MTHFD1L: variants seen among roughly 807,000 people sequenced by gnomAD.
The protein encoded by MTHFD1L is monofunctional C1-tetrahydrofolate synthase, mitochondrial.
In MTHFD1L, 81 loss-of-function variants were observed where a neutral mutation model predicts 119.5. That is an observed-to-expected ratio of 0.68 (90% confidence interval 0.57 to 0.82). The LOEUF is 0.82. Among genes scored for constraint, MTHFD1L ranks in the 40% least tolerant of loss-of-function variants. The probability of loss-of-function intolerance (pLI) is 0.00; values close to 1 mark genes in which losing one functional copy is unlikely to be tolerated. For synonymous variants in MTHFD1L, 430 were observed against 475.2 expected, an observed-to-expected ratio of 0.90 and a Z score of 1.24; for missense variants, 1,125 against 1,253.4, an observed-to-expected ratio of 0.90 and a Z score of 1.55.
chr6:150,997,438 C>G (rs1417867574), intron 20 of MTHFD1L, among the ~76,000 whole-genome samples: 1 of 152,154 alleles, frequency 6.6e-6, no homozygotes, highest in Non-Finnish European at 1.5e-5. Context: ...GTGCGAGTAA[C>G]AGTGAAGATG....
intron 26 of MTHFD1L, among the ~76,000 whole-genome samples, chr6:151,087,186 C>A (rs1389383282): frequency 6.6e-5 from 10 of 151,892 alleles, no homozygotes; most frequent in Non-Finnish European, 1.5e-4. Flanking sequence ...GAGGCGGAGG[C>A]TGCAGTGAGC....
chr6:151,046,471 G>GTGTATA (rs1171603108), intron 26 of MTHFD1L, among the ~76,000 whole-genome samples: 509 of 36,036 alleles, frequency 0.014, 3 homozygotes, highest in East Asian at 0.052. Flanking sequence ...ATGTGTGTGT[G>GTGTATA]TATATATATA....
At chr6:150,963,707 T>C (rs895646400) in intron 18 of MTHFD1L, among the ~76,000 whole-genome samples, 3 of 152,220 alleles carry the variant, frequency 2.0e-5, no homozygotes, top group African/African-American at 7.2e-5. Flanking sequence ...TGTGGTAAAA[T>C]GGCACTGTTT....
chr6:150,912,612 T>C, intron 8 of MTHFD1L: 3 of 463,812 alleles, frequency 6.5e-6, no homozygotes, highest in Non-Finnish European at 1.3e-5. Context: ...GAAAGGGTGG[T>C]TCTGATTTCT....
rs557804726 is a variant in MTHFD1L at position 151,089,614 on chromosome 6, T to A, written c.2848-2853T>A. On this transcript the variant is annotated intron_variant, in intron 26 of 27. Transcript: ENST00000367321. ...AGACTCTGTCTCAAAAACAAAAACC[T>A]CCTATAAATGCCATAAGATGCCGGC... Among the ~76,000 whole-genome samples the A allele has an allele frequency of 4.2e-4, 64 of 152,214 alleles. 1 individual carries two copies. Among genetic ancestry groups the A allele is most frequent in the Admixed American group, 2.0e-3 (30 of 15,290 alleles).
At chr6:151,002,895 C>A (rs375798051) in intron 20 of MTHFD1L, among the ~76,000 whole-genome samples, 1 of 152,080 alleles carries the variant, frequency 6.6e-6, no homozygotes, top group Non-Finnish European at 1.5e-5. Context: ...TCCTTGTTGG[C>A]GGGGGGAGGG....
At chr6:151,027,507 G>A (rs1477368305) in intron 24 of MTHFD1L, among the ~76,000 whole-genome samples, 1 of 152,118 alleles carries the variant, frequency 6.6e-6, no homozygotes, top group Admixed American at 6.5e-5. Flanking sequence ...GAGAAAGCCA[G>A]CAATGATTAA....
chr6:151,033,223 G>T (rs1024141968), intron 24 of MTHFD1L, among the ~76,000 whole-genome samples: 1 of 151,744 alleles, frequency 6.6e-6, no homozygotes, highest in Non-Finnish European at 1.5e-5. Context: ...AGGGTCAAGC[G>T]ATTCTCCTGC....
chr6:150,956,170 G>A, intron 17 of MTHFD1L, 99 bp downstream of exon 17: 1 of 1,190,976 alleles, frequency 8.4e-7, no homozygotes, highest in South Asian at 1.3e-5. Context: ...TCCCCAACCT[G>A]TTGTGGCCAG....
At chr6:151,012,236 G>A (rs1457289083) in intron 21 of MTHFD1L, among the ~76,000 whole-genome samples, 1 of 151,742 alleles carries the variant, frequency 6.6e-6, no homozygotes, top group East Asian at 1.9e-4. Context: ...TGGTCTATAT[G>A]CAGGGAGTGT....
At chr6:150,928,696 C>G (rs539740962) in intron 11 of MTHFD1L, among the ~76,000 whole-genome samples, 183 of 151,928 alleles carry the variant, frequency 1.2e-3, no homozygotes, top group Non-Finnish European at 2.3e-3. Flanking sequence ...CATGCACCCC[C>G]ACGCCTGGCT....
intron 26 of MTHFD1L, among the ~76,000 whole-genome samples, chr6:151,064,372 G>C (rs975177147): frequency 6.6e-6 from 1 of 152,112 alleles, no homozygotes; most frequent in Non-Finnish European, 1.5e-5. Flanking sequence ...GAGTACAGTG[G>C]TGTGATCTTG....
chr6:151,068,358 G>A (rs1199747900), intron 26 of MTHFD1L, among the ~76,000 whole-genome samples: 1 of 152,214 alleles, frequency 6.6e-6, no homozygotes, highest in Non-Finnish European at 1.5e-5. Context: ...TGATGGAGAT[G>A]GAGACACCTC....
At chr6:150,866,770 A>T in intron 1 of MTHFD1L, 1 of 896,784 alleles carries the variant, frequency 1.1e-6, no homozygotes, top group Non-Finnish European at 1.3e-6. Flanking sequence ...CCCAGAGCGA[A>T]CTGGGAGCCC....
At chr6:150,935,108 A>G in intron 11 of MTHFD1L, 1 of 1,613,908 alleles carries the variant, frequency 6.2e-7, no homozygotes, top group Non-Finnish European at 8.5e-7. Context: ...ATTTGTAAAT[A>G]CCATACCTAC....
At position 150,960,259 on chromosome 6, in the gene MTHFD1L, G is replaced by T; in HGVS notation, c.1804-16G>T. 1 of 1,607,438 alleles carries T rather than the reference G, an allele frequency of 6.2e-7. No individual in the cohort carries two copies. The highest frequency in any genetic ancestry group is 8.5e-7 in the Non-Finnish European group (1 of 1,176,638). The stretch of plus-strand genomic sequence containing the variant: ...GGCACTGTCGCTGACCACTACCTGT[G>T]TTTGGGCTGGTTCAGGCGCAGTTTG... On this transcript the variant is annotated splice_polypyrimidine_tract_variant and intron_variant, in intron 17 of 27. Coordinates refer to ENST00000367321, the MANE Select transcript of MTHFD1L (RefSeq NM_015440.5).
At chr6:150,918,714 A>G in intron 9 of MTHFD1L, 46 bp downstream of exon 9, 1 of 1,494,864 alleles carries the variant, frequency 6.7e-7, no homozygotes, top group South Asian at 1.1e-5. Flanking sequence ...TGGAAGTTTG[A>G]TTAATAGTTG....
intron 16 of MTHFD1L, among the ~76,000 whole-genome samples, chr6:150,951,842 T>C (rs894972174): frequency 2.0e-5 from 3 of 152,180 alleles, no homozygotes; most frequent in Non-Finnish European, 4.4e-5. Flanking sequence ...TCAAAACTTT[T>C]TTGGAGGTTT....
chr6:151,051,980 A>C (rs1313171716), intron 26 of MTHFD1L, among the ~76,000 whole-genome samples: 1 of 152,204 alleles, frequency 6.6e-6, no homozygotes, highest in Non-Finnish European at 1.5e-5. Flanking sequence ...TGGGGGCAAT[A>C]ACATTGGAAG....
Sources: gnomAD v4.1 joint callset for allele counts (sites outside exome capture counted in the v4.1 genomes callset) on GRCh38, gnomAD v4.1.1 for gene constraint, MANE v1.5 for transcripts, NCBI Gene and HGNC (gene_info 2026-07-23, HGNC 2026-07-21) for gene names.